SYN3: variants seen among roughly 807,000 people sequenced by gnomAD.
SYN3 encodes the protein synapsin III, also known as synapsin-3.
A neutral mutation model predicts 65.8 loss-of-function variants in SYN3; 35 were observed. That is an observed-to-expected ratio of 0.53 (90% CI 0.41 to 0.70). The LOEUF (loss-of-function observed/expected upper bound fraction) is 0.70, where lower values mean the gene tolerates loss of function less well. SYN3 is among the 30% of genes least tolerant of loss of function. The pLI is 0.00. For synonymous variants in SYN3, 270 were observed against 292.9 expected (o/e 0.92, Z 0.80); for missense variants, 680 against 749.0 (o/e 0.91, Z 1.08).
At chr22:32,654,877 T>C (rs1374725489) in intron 6 of SYN3, among the ~76,000 whole-genome samples, 1 of 152,242 alleles carries the variant, frequency 6.6e-6, no homozygotes, top group African/African-American at 2.4e-5. Flanking sequence ...CCATGTTCTA[T>C]GTCCTTTTGT....
At chr22:32,675,531 G>A (rs1569143023) in intron 6 of SYN3, among the ~76,000 whole-genome samples, 2 of 152,200 alleles carry the variant, frequency 1.3e-5, no homozygotes, top group African/African-American at 4.8e-5. Context: ...TGCTGGAGAC[G>A]TTATTAAAAA....
intron 6 of SYN3, among the ~76,000 whole-genome samples, chr22:32,775,370 A>G (rs1162692251): frequency 6.6e-6 from 1 of 152,182 alleles, no homozygotes; most frequent in Non-Finnish European, 1.5e-5. Flanking sequence ...TTGGGGGGAC[A>G]TAATTCAGTC....
At position 33,006,668 on chromosome 22, in the gene SYN3, T is replaced by A; in HGVS notation, c.-6A>T. On this transcript the variant is annotated 5_prime_UTR_variant, in exon 2 of 14. Transcript: ENST00000358763. ...CGTCGCCGGAGGAAATTCATGGCTG[T>A]GGATGGATGGAGATGACTGGCTCCT... 2 of 1,564,084 alleles carry A rather than the reference T, an allele frequency of 1.3e-6. No homozygotes were observed. The highest frequency in any genetic ancestry group is 2.7e-5 in the African/African-American group (2 of 73,844).
chr22:32,686,407 A>G (rs1360624587), intron 6 of SYN3, among the ~76,000 whole-genome samples: 32 of 149,046 alleles, frequency 2.1e-4, no homozygotes, highest in African/African-American at 7.7e-4. Context: ...TTTTTTTTTC[A>G]AGAAAAGTCA....
chr22:32,698,578 GT>G (rs1358048817), intron 6 of SYN3, among the ~76,000 whole-genome samples: 4 of 152,130 alleles, frequency 2.6e-5, no homozygotes, highest in Non-Finnish European at 5.9e-5. Flanking sequence ...AAAAGCTAGT[GT>G]TTTATAAATA....
intron 3 of SYN3, among the ~76,000 whole-genome samples, chr22:32,977,915 T>C (rs1302088712): frequency 6.6e-6 from 1 of 152,038 alleles, no homozygotes; most frequent in African/African-American, 2.4e-5. Flanking sequence ...TCCACCCTCA[T>C]GCAAATCGTC....
At chr22:32,894,352 T>C (rs11912426) in intron 4 of SYN3, among the ~76,000 whole-genome samples, 1 of 152,242 alleles carries the variant, frequency 6.6e-6, no homozygotes, top group Non-Finnish European at 1.5e-5. Context: ...TGATAAATGC[T>C]GTGGGTTGGC....
At position 32,753,061 on chromosome 22, in the gene SYN3, A is replaced by G. The variant is rs547526251; in HGVS notation, c.711+111854T>C. Among the ~76,000 whole-genome samples the G allele has an allele frequency of 7.2e-5, 11 of 152,278 alleles. No individual in the cohort carries two copies. The South Asian group carries it at 2.1e-3, about 29-fold the overall frequency. On this transcript the variant is annotated intron_variant, in intron 6 of 13. Transcript: ENST00000358763. ...GGCAGTGAGCCAGCTGGAGAACCTC[A>G]GCAGAGGCCAAGAAGAGCCCCTCGG...
chr22:32,644,548 G>C (rs1256906023), intron 6 of SYN3, among the ~76,000 whole-genome samples: 2 of 152,180 alleles, frequency 1.3e-5, no homozygotes, highest in Admixed American at 1.3e-4. Context: ...CAGACAAGCA[G>C]GAAGTGTGCT....
At chr22:32,803,424 G>A in intron 6 of SYN3, among the ~76,000 whole-genome samples, 1 of 152,134 alleles carries the variant, frequency 6.6e-6, no homozygotes, top group East Asian at 1.9e-4. Flanking sequence ...CAGAGTGGGG[G>A]TGTGGTGACC....
intron 6 of SYN3, among the ~76,000 whole-genome samples, chr22:32,751,486 G>T (rs917143953): frequency 5.3e-5 from 8 of 152,184 alleles, no homozygotes; most frequent in African/African-American, 1.9e-4. Flanking sequence ...GGGAGAGATC[G>T]GGGGACAGCT....
At chr22:32,689,363 T>G (rs1159875437) in intron 6 of SYN3, among the ~76,000 whole-genome samples, 2 of 152,248 alleles carry the variant, frequency 1.3e-5, no homozygotes, top group Non-Finnish European at 2.9e-5. Context: ...TCAACTGCTC[T>G]GAGCCTTCGT....
intron 6 of SYN3, among the ~76,000 whole-genome samples, chr22:32,705,436 C>A (rs2060867954): frequency 6.6e-6 from 1 of 152,142 alleles, no homozygotes; most frequent in Non-Finnish European, 1.5e-5. Context: ...GTACCAGTAC[C>A]ATGCTGTTTT....
rs1208590573 is a variant in SYN3, at chr22:32,975,116, C to T, written c.369+5529G>A. ...CCCCAGCTGGGTGCGGTGGCTCATG[C>T]CTGTAATCCCATCACTTTGGGAGGC... On this transcript the variant is annotated intron_variant, in intron 3 of 13. Coordinates refer to ENST00000358763, the MANE Select transcript of SYN3 (RefSeq NM_003490.4). Among the ~76,000 whole-genome samples, 4 of 152,158 alleles carry T rather than the reference C, an allele frequency of 2.6e-5. No individual in the cohort carries two copies. In the East Asian group the frequency reaches 5.8e-4, roughly 22 times the overall value.
chr22:32,984,161 C>CAAAAAAAAAAAAAAAAAAAAAA (rs35678412), intron 2 of SYN3, among the ~76,000 whole-genome samples: 4 of 93,014 alleles, frequency 4.3e-5, no homozygotes, highest in Non-Finnish European at 8.3e-5. Flanking sequence ...AAACTCCATC[C>CAAAAAAAAAAAAAAAAAAAAAA]AAAAAAAAAA....
At chr22:33,041,615 C>G (rs1447378429) in intron 1 of SYN3, among the ~76,000 whole-genome samples, 1 of 152,084 alleles carries the variant, frequency 6.6e-6, no homozygotes, top group Non-Finnish European at 1.5e-5. Context: ...GGAACTCTTT[C>G]TAACCTGTGC....
chr22:32,749,324 C>T (rs971883652), intron 6 of SYN3, among the ~76,000 whole-genome samples: 4 of 122,760 alleles, frequency 3.3e-5, no homozygotes, highest in African/African-American at 1.3e-4. Context: ...AATACACACA[C>T]AAATCCATTA....
At chr22:32,736,656 C>A (rs1036496212) in intron 6 of SYN3, among the ~76,000 whole-genome samples, 23 of 152,052 alleles carry the variant, frequency 1.5e-4, no homozygotes, top group African/African-American at 5.6e-4. Flanking sequence ...TACATTTGAA[C>A]CAAGACAATC....
chr22:32,786,478 C>T (rs977737735), intron 6 of SYN3, among the ~76,000 whole-genome samples: 2 of 151,900 alleles, frequency 1.3e-5, no homozygotes, highest in Admixed American at 6.6e-5. Flanking sequence ...TTCTCCTGCC[C>T]CAGCCTCCCA....
Sources: gnomAD v4.1 joint callset for allele counts (sites outside exome capture counted in the v4.1 genomes callset) on GRCh38, gnomAD v4.1.1 for gene constraint, MANE v1.5 for transcripts, NCBI Gene and HGNC (gene_info 2026-07-23, HGNC 2026-07-21) for gene names.